SSBP3: variants seen among roughly 807,000 people sequenced by gnomAD.
SSBP3 encodes single stranded DNA binding protein 3, also known as single-stranded DNA-binding protein 3.
SSBP3 carries 5 observed loss-of-function variants against 69.6 expected under a neutral mutation model. The observed-to-expected ratio is 0.07, with a 90% CI of 0.04 to 0.15. The LOEUF is 0.15. Among genes scored for constraint, SSBP3 ranks in the 10% least tolerant of loss-of-function variants. SSBP3 has a pLI of 1.00. For missense variants in SSBP3, 312 were observed against 534.0 expected (o/e 0.58, Z 4.10); for synonymous variants, 196 against 193.4 (o/e 1.01, Z -0.11).
At chr1:54,256,633 T>C (rs1445092668) in intron 7 of SSBP3, among the ~76,000 whole-genome samples, 1 of 152,210 alleles carries the variant, frequency 6.6e-6, no homozygotes, top group Non-Finnish European at 1.5e-5. Flanking sequence ...ACAAATCTCC[T>C]GCTCTGCTGC....
upstream of SSBP3, among the ~76,000 whole-genome samples, chr1:54,407,369 G>A (rs1570088495): frequency 6.6e-6 from 1 of 152,208 alleles, no homozygotes; most frequent in African/African-American, 2.4e-5. Context: ...AGCTAAATTG[G>A]GGAGTGAGGG....
At chr1:54,305,557 T>G (rs1164676898) in intron 4 of SSBP3, among the ~76,000 whole-genome samples, 28 of 151,266 alleles carry the variant, frequency 1.9e-4, no homozygotes, top group Non-Finnish European at 4.4e-5. Context: ...GACTGGGCAA[T>G]TGGGAGCTAT....
rs1051101710 is a variant in SSBP3 at position 54,243,128 on chromosome 1, C to T, written c.716+107G>A. 109 of 988,556 alleles carry T rather than the reference C, an allele frequency of 1.1e-4. 1 individual carries two copies. In the Admixed American group the frequency reaches 1.8e-3, roughly 16 times the overall value. The allele number at this position is 988,556 out of a possible 1,614,324, so 61.2% of individuals were successfully genotyped here. A position where few individuals can be genotyped will look rare whatever the true frequency, so the allele number is the denominator to read the frequency against. On this transcript the variant is annotated intron_variant, in intron 10 of 17. Coordinates refer to ENST00000610401, the Ensembl canonical transcript of SSBP3. ...CATTACCGATGAGGAGACTGAGGTC[C>T]AGAGAGGTACCAGCAATGACCCCTT...
intron 4 of SSBP3, among the ~76,000 whole-genome samples, chr1:54,360,066 A>G (rs960809741): frequency 6.6e-6 from 1 of 152,228 alleles, no homozygotes; most frequent in African/African-American, 2.4e-5. Context: ...AAAGAAATAA[A>G]AAGAATACAT....
intron 4 of SSBP3, among the ~76,000 whole-genome samples, chr1:54,356,258 GA>G: frequency 6.6e-6 from 1 of 152,216 alleles, no homozygotes; most frequent in African/African-American, 2.4e-5. Flanking sequence ...ATTAAAGCAA[GA>G]AAAAAGAAAA....
intron 4 of SSBP3, among the ~76,000 whole-genome samples, chr1:54,341,075 G>C (rs1646598042): frequency 6.6e-6 from 1 of 152,236 alleles, no homozygotes; most frequent in Non-Finnish European, 1.5e-5. Context: ...CCAGGCCAGT[G>C]AAACAATGTC....
At chr1:54,411,557 G>A (rs1649990186) in intron 1 of SSBP3, among the ~76,000 whole-genome samples, 2 of 152,066 alleles carry the variant, frequency 1.3e-5, no homozygotes, top group Admixed American at 6.6e-5. Flanking sequence ...GGGAGTCCGC[G>A]GCGGGAGGAT....
At chr1:54,409,401 G>A (rs1649930456), upstream of SSBP3, among the ~76,000 whole-genome samples, 1 of 152,112 alleles carries the variant, frequency 6.6e-6, no homozygotes. Flanking sequence ...CAGACTGGGA[G>A]GGTAGGATCT....
chr1:54,250,772 C>T (rs1174391075), intron 9 of SSBP3, among the ~76,000 whole-genome samples: 2 of 152,160 alleles, frequency 1.3e-5, no homozygotes, highest in African/African-American at 2.4e-5. Flanking sequence ...CGCTCTGCCA[C>T]GGCTACTATA....
At chr1:54,338,882 A>G (rs1016623257) in intron 4 of SSBP3, among the ~76,000 whole-genome samples, 1 of 152,254 alleles carries the variant, frequency 6.6e-6, no homozygotes, top group Non-Finnish European at 1.5e-5. Flanking sequence ...TTTAATTACC[A>G]TAATTTTTCA....
chr1:54,359,795 A>G (rs1268445582), intron 4 of SSBP3, among the ~76,000 whole-genome samples: 1 of 152,200 alleles, frequency 6.6e-6, no homozygotes, highest in East Asian at 1.9e-4. Context: ...TCATCATTTC[A>G]GGAGGGTGCG....
At chr1:54,256,636 T>A (rs1210971181) in intron 7 of SSBP3, among the ~76,000 whole-genome samples, 1 of 152,196 alleles carries the variant, frequency 6.6e-6, no homozygotes, top group Non-Finnish European at 1.5e-5. Flanking sequence ...AATCTCCTGC[T>A]CTGCTGCATC....
At chr1:54,356,975 G>A (rs7532677) in intron 4 of SSBP3, among the ~76,000 whole-genome samples, 26,964 of 152,138 alleles carry the variant, frequency 0.18, 2,894 homozygotes, top group African/African-American at 0.3. Context: ...CAGTCTCACC[G>A]CTGGGGGTAG....
At chr1:54,368,168 C>T (rs758255860) in intron 4 of SSBP3, among the ~76,000 whole-genome samples, 37 of 151,396 alleles carry the variant, frequency 2.4e-4, no homozygotes, top group African/African-American at 8.2e-4. Context: ...CATGGTGGTG[C>T]GCACCTGTAG....
rs528063923 is a variant in SSBP3 at position 54,253,580 on chromosome 1, G to A, written c.508-1720C>T. 1.7e-4 allele frequency among the ~76,000 whole-genome samples: 26 copies of A among 152,192 alleles called. No individual in the cohort carries two copies. In the South Asian group the frequency reaches 4.2e-3, roughly 24 times the overall value. On this transcript the variant is annotated intron_variant, in intron 7 of 17. Transcript: ENST00000610401. ...CAATCCCTGGATTTTTAGTTGTTCC[G>A]GCCTCTCACTTTCTCCCAGCCCTGC...
intron 9 of SSBP3, 115 bp from the exon 10 acceptor site, chr1:54,243,414 T>A: frequency 7.7e-7 from 1 of 1,290,916 alleles, no homozygotes. Flanking sequence ...AAAGGATTGA[T>A]GAGAAAAAAT....
intron 5 of SSBP3, among the ~76,000 whole-genome samples, chr1:54,261,949 CATG>C (rs750339265): frequency 2.0e-5 from 3 of 152,116 alleles, no homozygotes; most frequent in Non-Finnish European, 4.4e-5. Context: ...AAGAGAGGCC[CATG>C]ACAGAGGTGT....
At chr1:54,272,629 C>T (rs1332668904) in intron 5 of SSBP3, among the ~76,000 whole-genome samples, 1 of 152,186 alleles carries the variant, frequency 6.6e-6, no homozygotes, top group East Asian at 1.9e-4. Context: ...TCTCCACTCC[C>T]ATCCCCCTAT....
At chr1:54,228,634 G>A in intron 15 of SSBP3, 114 bp downstream of exon 15, 1 of 1,474,986 alleles carries the variant, frequency 6.8e-7, no homozygotes, top group Non-Finnish European at 9.2e-7. Context: ...ATCGTCCTGT[G>A]TGCCCAGCCA....
Sources: allele counts gnomAD v4.1 joint callset (sites outside exome capture counted in the v4.1 genomes callset), GRCh38; gene constraint gnomAD v4.1.1; transcripts MANE v1.5; gene names NCBI Gene and HGNC (gene_info 2026-07-23, HGNC 2026-07-21).